Variants in BEST1 observed in about 807,000 individuals in gnomAD.
The protein encoded by BEST1 is bestrophin 1.
Under a neutral mutation model 63.3 loss-of-function variants are expected in BEST1, and 58 were observed. That is an observed-to-expected ratio of 0.92 (90% CI 0.74 to 1.14). The LOEUF is 1.14. Among genes scored for constraint, BEST1 ranks in the 50% most tolerant of loss-of-function variants. The probability of loss-of-function intolerance (pLI) is 0.00; values close to 1 mark genes in which losing one functional copy is unlikely to be tolerated. For synonymous variants in BEST1, 283 were observed against 291.6 expected, an observed-to-expected ratio of 0.97 and a Z score of 0.30; for missense variants, 671 against 740.1, an observed-to-expected ratio of 0.91 and a Z score of 1.08.
intron 10 of BEST1, 158 bp downstream of exon 10, chr11:61,963,051 G>A: frequency 6.6e-7 from 1 of 1,518,246 alleles, no homozygotes; most frequent in Non-Finnish European, 8.9e-7. Flanking sequence ...TATATACTTG[G>A]CCACCTTCAC....
Position 61,957,468 on chromosome 11 carries a change from AG to A in BEST1, c.714+6del. ...TATCCCACTGGTGTATACACAGGTG[AG>A]GACTAGGCTGGTGAGGCTGCCCTTT... On this transcript the variant is annotated splice_donor_5th_base_variant and intron_variant, in intron 6 of 10. Transcript: ENST00000378043. 6.2e-7 allele frequency: 1 copy of A among 1,613,826 alleles called. No individual in the cohort carries two copies. Among genetic ancestry groups the A allele is most frequent in the Non-Finnish European group, 8.5e-7 (1 of 1,179,726 alleles).
At chr11:61,953,239 C>T (rs1378795682) in intron 2 of BEST1, among the ~76,000 whole-genome samples, 3 of 151,998 alleles carry the variant, frequency 2.0e-5, no homozygotes, top group African/African-American at 7.3e-5. Context: ...ATAATGCTAG[C>T]AACAAGGCAC....
chr11:61,957,932 C>T (rs921225979), intron 6 of BEST1, among the ~76,000 whole-genome samples: 2 of 151,944 alleles, frequency 1.3e-5, no homozygotes, highest in Admixed American at 1.3e-4. Flanking sequence ...TGAGATCATG[C>T]CACTGCACTC....
chr11:61,965,166 C>T, downstream of BEST1: 4 of 1,601,910 alleles, frequency 2.5e-6, no homozygotes, highest in Non-Finnish European at 3.4e-6. Flanking sequence ...AGTCAGCAAG[C>T]CCATCATCTC....
intron 10 of BEST1, chr11:61,963,149 A>T (rs1214592548): frequency 6.9e-7 from 1 of 1,453,646 alleles, no homozygotes; most frequent in Non-Finnish European, 9.1e-7. Flanking sequence ...AAGGAAGATG[A>T]GGTTGTGCTG....
At chr11:61,957,038 A>C (rs534281398) in intron 5 of BEST1, 40 bp downstream of exon 5, 2 of 1,613,554 alleles carry the variant, frequency 1.2e-6, no homozygotes, top group East Asian at 2.2e-5. Context: ...CAGAGTGGGA[A>C]GGGCTGTGGT....
chr11:61,955,827 G>A lies in BEST1; in HGVS notation c.357G>A (p.Glu119=), dbSNP rs751079575. 2.6e-6 allele frequency: 4 copies of A among 1,550,580 alleles called. No individual in the cohort carries two copies. The highest frequency in any genetic ancestry group is 1.2e-5 in the South Asian group (1 of 84,076). ...CGGGCTTCGTCGAAGGCAAGGACGA[G>A]CAAGGCCGGCTGCTGCGGCGCACGC... ...LVSGFVEGKD[E]QGRLLRRTLI... The change falls in exon 4 of 11, where the codon GAG becomes GAA. Residue 119 remains glutamate (E), a synonymous_variant. Coordinates refer to ENST00000378043, the MANE Select transcript of BEST1 (RefSeq NM_004183.4).
At chr11:61,959,761 C>A in intron 8 of BEST1, 131 bp from the exon 9 acceptor site, 2 of 1,394,690 alleles carry the variant, frequency 1.4e-6, no homozygotes, top group East Asian at 2.5e-5. Context: ...GGCAGGCACC[C>A]ATCTCCCCAT....
At chr11:61,956,214 A>C (rs922835768) in intron 4 of BEST1, among the ~76,000 whole-genome samples, 1 of 151,930 alleles carries the variant, frequency 6.6e-6, no homozygotes, top group East Asian at 1.9e-4. Context: ...AATGGAAAGA[A>C]GGGTGACGGC....
At chr11:61,963,661 G>A (rs1329395975) in intron 10 of BEST1, 28 of 1,056,600 alleles carry the variant, frequency 2.7e-5, no homozygotes, top group African/African-American at 5.0e-5. Context: ...ACTTAAAAGG[G>A]CAACAATTTC....
At chr11:61,954,752 AAC>A in intron 2 of BEST1, 1 of 976,794 alleles carries the variant, frequency 1.0e-6, no homozygotes, top group Non-Finnish European at 1.2e-6. Flanking sequence ...GCCCGTCCCA[AAC>A]ACTCTGTTTC....
At chr11:61,951,581 C>G (rs954231386) in intron 1 of BEST1, among the ~76,000 whole-genome samples, 190 bp from the exon 2 acceptor site, 9 of 152,216 alleles carry the variant, frequency 5.9e-5, no homozygotes, top group African/African-American at 1.4e-4. Context: ...AAAGGGCAGC[C>G]TCTGGGCTCA....
chr11:61,963,975 G>T (rs565070598), intron 10 of BEST1, 129 bp from the exon 11 acceptor site: 2 of 1,514,548 alleles, frequency 1.3e-6, no homozygotes, highest in South Asian at 1.2e-5. Context: ...CCTGGGCGAC[G>T]GAGTGAGACT....
At chr11:61,963,398 G>C in intron 10 of BEST1, 1 of 1,228,770 alleles carries the variant, frequency 8.1e-7, no homozygotes, top group Non-Finnish European at 1.0e-6. Flanking sequence ...GTGAGGTTGA[G>C]GGTGTCCAGC....
At chr11:61,952,880 C>T (rs540992071) in intron 2 of BEST1, among the ~76,000 whole-genome samples, 2 of 151,338 alleles carry the variant, frequency 1.3e-5, no homozygotes, top group South Asian at 2.1e-4. Context: ...GGCCAAGGTG[C>T]GGGGATCACT....
intron 10 of BEST1, chr11:61,963,798 G>GT (rs1171881558): frequency 1.1e-5 from 14 of 1,247,254 alleles, no homozygotes; most frequent in African/African-American, 1.5e-5. Context: ...GAGGTCAGGA[G>GT]TTTGAGACCA....
At chr11:61,959,266 C>G (rs541334500) in intron 7 of BEST1, 24 of 592,358 alleles carry the variant, frequency 4.1e-5, no homozygotes, top group African/African-American at 3.7e-4. Context: ...TCAGGGACAG[C>G]TGTGGGTGTT....
chr11:61,964,013 T>G, intron 10 of BEST1, 91 bp from the exon 11 acceptor site: 1 of 1,576,014 alleles, frequency 6.3e-7, no homozygotes, highest in Non-Finnish European at 8.6e-7. Flanking sequence ...AAAAGGATCG[T>G]CTCAACCTTT....
At chr11:61,956,285 G>A (rs1053527204) in intron 4 of BEST1, among the ~76,000 whole-genome samples, 12 of 152,082 alleles carry the variant, frequency 7.9e-5, no homozygotes, top group Admixed American at 2.0e-4. Context: ...TTGATCTCCG[G>A]TTTCCACTCT....
Sources: gnomAD v4.1 joint callset for allele counts (sites outside exome capture counted in the v4.1 genomes callset) on GRCh38, gnomAD v4.1.1 for gene constraint, MANE v1.5 for transcripts, NCBI Gene and HGNC (gene_info 2026-07-23, HGNC 2026-07-21) for gene names.